Variants in HMBOX1 observed in about 807,000 individuals in gnomAD.
HMBOX1 encodes the protein homeobox containing 1.
Under a neutral mutation model 54.5 loss-of-function variants are expected in HMBOX1, and 14 were observed. That is an observed-to-expected ratio of 0.26 (90% CI 0.17 to 0.40). The LOEUF (loss-of-function observed/expected upper bound fraction) is 0.40, where lower values mean the gene tolerates loss of function less well. HMBOX1 is among the 10% of genes least tolerant of loss of function. The pLI is 1.00. For missense variants in HMBOX1, 332 were observed against 514.4 expected (o/e 0.65, Z 3.43); for synonymous variants, 160 against 181.0 (o/e 0.88, Z 0.93).
At chr8:28,920,939 T>C (rs1817453164) in intron 1 of HMBOX1, among the ~76,000 whole-genome samples, 1 of 152,220 alleles carries the variant, frequency 6.6e-6, no homozygotes. Flanking sequence ...AAGAAAACTT[T>C]TATGGATTCC....
intron 1 of HMBOX1, among the ~76,000 whole-genome samples, chr8:28,894,006 A>G (rs141623181): frequency 7.2e-5 from 11 of 152,202 alleles, no homozygotes; most frequent in Non-Finnish European, 1.6e-4. Flanking sequence ...ATACCACTCA[A>G]CTTTTTAAAT....
In HMBOX1 at chr8:29,051,484, T is replaced by C. The variant is rs139785494; in HGVS notation, c.*329T>C. 573 of 700,608 alleles carry C rather than the reference T, an allele frequency of 8.2e-4. 9 individuals carry two copies. In the East Asian group the frequency reaches 0.011, roughly 14 times the overall value. 43.4% of individuals were successfully genotyped at this position (700,608 alleles called of 1,614,324 possible). ...AGCCCTCAGTTCTCAAATATTAGACTACGTGTAAAATCTTGGGTACCTTTA... is the reference window on the plus strand; with the variant it reads ...AGCCCTCAGTTCTCAAATATTAGACCACGTGTAAAATCTTGGGTACCTTTA... On this transcript the variant is annotated 3_prime_UTR_variant, in exon 10 of 10. Transcript: ENST00000287701.
intron 4 of HMBOX1, among the ~76,000 whole-genome samples, chr8:28,994,952 G>A (rs1831572597): frequency 6.6e-6 from 1 of 152,040 alleles, no homozygotes; most frequent in Admixed American, 6.6e-5. Flanking sequence ...GAAGATTGAG[G>A]GATACTACTG....
intron 2 of HMBOX1, among the ~76,000 whole-genome samples, chr8:28,969,705 C>T (rs375658586): frequency 2.6e-5 from 4 of 152,094 alleles, no homozygotes; most frequent in East Asian, 3.8e-4. Context: ...TGAGTTATCA[C>T]GTAGCCTGGG....
chr8:29,020,225 T>C (rs1800960817), intron 6 of HMBOX1, among the ~76,000 whole-genome samples: 1 of 152,190 alleles, frequency 6.6e-6, no homozygotes, highest in Non-Finnish European at 1.5e-5. Flanking sequence ...AATTGCAACA[T>C]TGTACATTTT....
rs71222583 is a variant in HMBOX1, at chr8:28,973,803, G to GTTTTTTTTTTTTTTTTTTTTTTTTTTTT, written c.500+3288_500+3315dup. ...TAATAATTTCGAGATACATAATGGA[G>GTTTTTTTTTTTTTTTTTTTTTTTTTTTT]TTTTTTTTTTTTTTTTTTTTTTTTT... On this transcript the variant is annotated intron_variant, in intron 3 of 9. Coordinates refer to ENST00000287701, the MANE Select transcript of HMBOX1 (RefSeq NM_001135726.3). 2.3e-4 allele frequency among the ~76,000 whole-genome samples: 17 copies of GTTTTTTTTTTTTTTTTTTTTTTTTTTTT among 72,658 alleles called. 3 individuals carry two copies. Among genetic ancestry groups the GTTTTTTTTTTTTTTTTTTTTTTTTTTTT allele is most frequent in the South Asian group, 7.7e-4 (1 of 1,300 alleles). The allele number at this position is 72,658 out of a possible 152,430, so 47.7% of individuals were successfully genotyped here.
intron 4 of HMBOX1, among the ~76,000 whole-genome samples, chr8:29,005,529 AT>A (rs1400853596): frequency 1.3e-5 from 2 of 152,022 alleles, no homozygotes; most frequent in African/African-American, 4.8e-5. Context: ...CATTTACTTC[AT>A]TTTTTTGAAA....
chr8:28,924,231 C>T (rs960139610), intron 1 of HMBOX1, among the ~76,000 whole-genome samples: 1 of 150,990 alleles, frequency 6.6e-6, no homozygotes, highest in East Asian at 2.0e-4. Flanking sequence ...CTCAGCCTCC[C>T]GAGTAGCTGG....
rs188535999 is a variant in HMBOX1, at chr8:28,988,886, A to G, written c.586+8730A>G. Among the ~76,000 whole-genome samples the G allele has an allele frequency of 1.3e-4, 20 of 152,288 alleles. No individual in the cohort carries two copies. The East Asian group carries it at 3.7e-3, about 28-fold the overall frequency. ...AGGCTTGCATTTTCATTTTCTTAAT[A>G]TCTTTCAAAGAGCAAATGTTTTAAA... On this transcript the variant is annotated intron_variant, in intron 4 of 9. Transcript: ENST00000287701.
At chr8:28,902,097 G>A (rs994474553) in intron 1 of HMBOX1, among the ~76,000 whole-genome samples, 1 of 152,072 alleles carries the variant, frequency 6.6e-6, no homozygotes, top group African/African-American at 2.4e-5. Flanking sequence ...TAGTTTTCAT[G>A]TTATGTATAT....
At chr8:28,976,542 C>T (rs1828403407) in intron 3 of HMBOX1, among the ~76,000 whole-genome samples, 1 of 152,034 alleles carries the variant, frequency 6.6e-6, no homozygotes, top group African/African-American at 2.4e-5. Flanking sequence ...TGAGCCACTG[C>T]ACCTGGCCAG....
rs183798787 is a variant in HMBOX1 at position 29,032,802 on chromosome 8, T to C, written c.852-12559T>C. On this transcript the variant is annotated intron_variant, in intron 6 of 9. Transcript: ENST00000287701. The stretch of plus-strand genomic sequence containing the variant: ...GAAGATCCTATAACTTTAACAAAAT[T>C]AGAAAATATTACCACCCTCTTTCCC... Among the ~76,000 whole-genome samples, 185 of 152,230 alleles carry C rather than the reference T, an allele frequency of 1.2e-3. 2 individuals carry two copies. The East Asian group carries it at 0.032, about 27-fold the overall frequency.
intron 6 of HMBOX1, among the ~76,000 whole-genome samples, chr8:29,029,452 G>A: frequency 6.6e-6 from 1 of 152,144 alleles, no homozygotes; most frequent in South Asian, 2.1e-4. Context: ...TTTTGCTCTT[G>A]TTGTACAAAA....
chr8:29,004,492 A>G (rs1833130014), intron 4 of HMBOX1, among the ~76,000 whole-genome samples: 1 of 152,180 alleles, frequency 6.6e-6, no homozygotes. Flanking sequence ...TATGGTGGAG[A>G]GCCCTCTAGT....
rs368205456 is a variant in HMBOX1 at position 29,045,331 on chromosome 8, A to T, written c.852-30A>T. The stretch of plus-strand genomic sequence containing the variant: ...ATGAGAGTATGTTTGAAAAATAAAA[A>T]CTTTGTGTCTGTATCGGTTGCCTCT... On this transcript the variant is annotated intron_variant, in intron 6 of 9. Coordinates refer to ENST00000287701, the MANE Select transcript of HMBOX1 (RefSeq NM_001135726.3). The T allele has an allele frequency of 5.3e-4, 825 of 1,561,128 alleles. 2 individuals are homozygous for T. The highest frequency in any genetic ancestry group is 1.8e-3 in the Admixed American group (106 of 59,622).
Position 29,018,873 on chromosome 8 carries a change from C to A in HMBOX1, c.811C>A (p.Arg271=). 6.2e-7 allele frequency: 1 copy of A among 1,614,002 alleles called. No homozygotes were observed. Among genetic ancestry groups the A allele is most frequent in the Non-Finnish European group, 8.5e-7 (1 of 1,179,966 alleles). ...SGTFRLRRGS[R]FTWRKECLAV... ...TACTTTCCGACTGCGACGAGGGAGT[C>A]GATTTACCTGGAGAAAGGAGTGCCT... The change falls in exon 6 of 10, where the codon CGA becomes AGA. Residue 271 remains arginine (R), a synonymous_variant. Coordinates refer to ENST00000287701, the MANE Select transcript of HMBOX1 (RefSeq NM_001135726.3).
chr8:29,043,312 C>T (rs1433277838), intron 6 of HMBOX1, among the ~76,000 whole-genome samples: 2 of 152,254 alleles, frequency 1.3e-5, no homozygotes, highest in Admixed American at 1.3e-4. Flanking sequence ...CTCTTCTCTG[C>T]CTTGCAACCT....
chr8:29,002,438 G>C (rs887492527), intron 4 of HMBOX1, among the ~76,000 whole-genome samples: 5 of 152,298 alleles, frequency 3.3e-5, no homozygotes, highest in African/African-American at 1.2e-4. Context: ...CCCTGATGCA[G>C]TGTTGGAGGG....
Position 28,970,218 on chromosome 8 carries a change from T to C in HMBOX1, c.199T>C (p.Tyr67His). 6.2e-7 allele frequency: 1 copy of C among 1,614,214 alleles called. No homozygotes were observed. Among genetic ancestry groups the C allele is most frequent in the African/African-American group, 1.3e-5 (1 of 75,048 alleles). Reference sequence around the variant, plus strand: ...TGACAAGTTTGGAAGAAGGTCCAGCTATGGAGGAAGTTCATATGGGAATAG... The same window carrying C: ...TGACAAGTTTGGAAGAAGGTCCAGCCATGGAGGAAGTTCATATGGGAATAG... ...HSDKFGRRSSYGGSSYGNSTN... is the reference protein window; with the variant it reads ...HSDKFGRRSSHGGSSYGNSTN... The change falls in exon 3 of 10, where the codon TAT becomes CAT. Residue 67 changes from tyrosine to histidine, a missense_variant. By Grantham distance (83) the Tyr-to-His change is moderately conservative. Coordinates refer to ENST00000287701, the MANE Select transcript of HMBOX1 (RefSeq NM_001135726.3). The surrounding 1 kb of genome is among the most constrained non-coding windows in gnomAD (Gnocchi z 4.3).
Sources: gnomAD v4.1 joint callset for allele counts (sites outside exome capture counted in the v4.1 genomes callset) on GRCh38, gnomAD v4.1.1 for gene constraint, Gnocchi (gnomAD v3.1) non-coding constraint, MANE v1.5 for transcripts, NCBI Gene and HGNC (gene_info 2026-07-23, HGNC 2026-07-21) for gene names.